Variants in NCALD observed in about 807,000 individuals in gnomAD.
The protein encoded by NCALD is neurocalcin delta, also known as neurocalcin-delta.
A neutral mutation model predicts 18.6 loss-of-function variants in NCALD; 10 were observed. That is an observed-to-expected ratio of 0.54 (90% CI 0.33 to 0.91). The LOEUF (loss-of-function observed/expected upper bound fraction) is 0.91. Among genes scored for constraint, NCALD ranks in the 40% least tolerant of loss-of-function variants. The pLI is 0.03. For missense variants in NCALD, 184 were observed against 247.6 expected (o/e 0.74, Z 1.72); for synonymous variants, 88 against 87.4 (o/e 1.01, Z -0.04).
At position 101,828,626 on chromosome 8, in the gene NCALD, G is replaced by A. The variant is rs114407809; in HGVS notation, c.-20+58515C>T. 5.5e-3 allele frequency among the ~76,000 whole-genome samples: 827 copies of A among 149,862 alleles called. 10 individuals carry two copies. Among genetic ancestry groups the A allele is most frequent in the African/African-American group, 0.019 (779 of 40,548 alleles). On this transcript the variant is annotated intron_variant, in intron 4 of 6. Transcript: ENST00000311028. ...ATAACTCATTTTTTTTTAAGAGACA[G>A]AGTCTCACTCTGTCACTAAGGCTAA...
At chr8:101,695,763 A>T (rs1170255591) in intron 2 of NCALD, among the ~76,000 whole-genome samples, 1 of 152,070 alleles carries the variant, frequency 6.6e-6, no homozygotes, top group African/African-American at 2.4e-5. Context: ...TTCTCCTTTT[A>T]GATGTGAGGG....
At chr8:102,042,246 C>A (rs926303972) in intron 1 of NCALD, among the ~76,000 whole-genome samples, 1 of 151,880 alleles carries the variant, frequency 6.6e-6, no homozygotes, top group Non-Finnish European at 1.5e-5. Flanking sequence ...TCAGCCACAA[C>A]AAGAATATCA....
intron 2 of NCALD, among the ~76,000 whole-genome samples, chr8:101,715,206 C>T (rs140282986): frequency 0.024 from 3,613 of 152,186 alleles, 142 homozygotes; most frequent in African/African-American, 0.083. Flanking sequence ...TTTGACAAAC[C>T]TCACAAAAAC....
chr8:101,961,918 G>T (rs916148249), intron 2 of NCALD, among the ~76,000 whole-genome samples: 2 of 152,064 alleles, frequency 1.3e-5, no homozygotes, highest in African/African-American at 4.8e-5. Flanking sequence ...AGAATCCAGA[G>T]AAACCTCAGA....
chr8:101,821,740 A>G (rs1191232208), intron 4 of NCALD, among the ~76,000 whole-genome samples: 2 of 152,162 alleles, frequency 1.3e-5, no homozygotes, highest in Non-Finnish European at 2.9e-5. Context: ...AGTCCTCTGC[A>G]AATTCAAGAT....
chr8:101,913,220 A>C (rs1817862385), intron 3 of NCALD, among the ~76,000 whole-genome samples: 1 of 152,236 alleles, frequency 6.6e-6, no homozygotes, highest in Non-Finnish European at 1.5e-5. Context: ...TATTTGTGGC[A>C]ATTTGTTATG....
chr8:101,971,854 C>T (rs892446241), intron 2 of NCALD, among the ~76,000 whole-genome samples: 8 of 152,150 alleles, frequency 5.3e-5, no homozygotes, highest in Admixed American at 4.6e-4. Flanking sequence ...CCCACCTAAC[C>T]CCAGTTATCC....
rs367666602 is a variant in NCALD at position 101,995,147 on chromosome 8, GA to G, written c.-157+25089del. On this transcript the variant is annotated intron_variant, in intron 2 of 6. Coordinates refer to the NCALD transcript ENST00000311028. ...ATAGCCCAGACTGGGGACTTCTTGA[GA>G]ACAGGAACTCTGTCATTATCCTTCT... is the stretch of plus-strand genomic sequence containing the variant. Among the ~76,000 whole-genome samples the G allele has an allele frequency of 7.5e-3, 1,144 of 152,268 alleles. 12 individuals are homozygous for G. Among genetic ancestry groups the G allele is most frequent in the African/African-American group, 0.023 (945 of 41,542 alleles).
intron 4 of NCALD, among the ~76,000 whole-genome samples, chr8:101,833,948 C>T (rs957917562): frequency 6.6e-6 from 1 of 152,194 alleles, no homozygotes; most frequent in Non-Finnish European, 1.5e-5. Context: ...GGGTGAGAAC[C>T]TGGCTTCTGC....
At chr8:101,955,177 TCA>T (rs1489332920) in intron 2 of NCALD, among the ~76,000 whole-genome samples, 1 of 152,172 alleles carries the variant, frequency 6.6e-6, no homozygotes, top group Non-Finnish European at 1.5e-5. Context: ...GCCAAATGCC[TCA>T]CAGTCTTAAT....
intron 1 of NCALD, among the ~76,000 whole-genome samples, chr8:102,105,478 G>A (rs944885104): frequency 1.3e-5 from 2 of 152,146 alleles, no homozygotes; most frequent in African/African-American, 4.8e-5. Context: ...TCAGTGAGCT[G>A]GACTAATAGG....
intron 1 of NCALD, among the ~76,000 whole-genome samples, chr8:101,737,530 GATTGGA>G (rs1809981412): frequency 6.6e-6 from 1 of 152,192 alleles, no homozygotes; most frequent in African/African-American, 2.4e-5. Flanking sequence ...ACCCCAACCT[GATTGGA>G]GTCACCAAAC....
chr8:101,893,784 T>G (rs1408813219), intron 3 of NCALD, among the ~76,000 whole-genome samples: 1 of 139,308 alleles, frequency 7.2e-6, no homozygotes, highest in Non-Finnish European at 1.5e-5. Context: ...TACATAATGG[T>G]AAAGGGATCA....
At chr8:102,107,080 T>C (rs1825481129) in intron 1 of NCALD, among the ~76,000 whole-genome samples, 1 of 150,454 alleles carries the variant, frequency 6.6e-6, no homozygotes, top group Non-Finnish European at 1.5e-5. Context: ...ACTGCTGATG[T>C]ATGCTTTCCA....
At chr8:101,707,733 T>C (rs1447525126) in intron 2 of NCALD, among the ~76,000 whole-genome samples, 2 of 152,134 alleles carry the variant, frequency 1.3e-5, no homozygotes, top group African/African-American at 4.8e-5. Context: ...CTGGGCATGG[T>C]AGCAGGTGCC....
intron 1 of NCALD, among the ~76,000 whole-genome samples, chr8:102,105,709 G>C (rs1014113382): frequency 4.6e-5 from 7 of 152,068 alleles, no homozygotes; most frequent in Non-Finnish European, 1.0e-4. Context: ...ACCCCATGAG[G>C]CCCAGCTGTA....
intron 4 of NCALD, among the ~76,000 whole-genome samples, chr8:101,851,435 G>A (rs1815087563): frequency 6.6e-6 from 1 of 151,670 alleles, no homozygotes; most frequent in East Asian, 1.9e-4. Context: ...GTCACCCACA[G>A]CTCTCTTGCC....
intron 1 of NCALD, among the ~76,000 whole-genome samples, chr8:102,033,227 T>C (rs1312267102): frequency 6.6e-6 from 1 of 152,178 alleles, no homozygotes; most frequent in Non-Finnish European, 1.5e-5. Flanking sequence ...TCCTGCCATA[T>C]ACTCCATCAT....
chr8:101,891,802 G>A (rs563761294), intron 3 of NCALD, among the ~76,000 whole-genome samples: 4 of 152,196 alleles, frequency 2.6e-5, no homozygotes, highest in Non-Finnish European at 5.9e-5. Context: ...GCACTTTTCA[G>A]ACCAGCTTAA....
Sources: allele counts gnomAD v4.1 joint callset (sites outside exome capture counted in the v4.1 genomes callset), GRCh38; gene constraint gnomAD v4.1.1; transcripts MANE v1.5; gene names NCBI Gene and HGNC (gene_info 2026-07-23, HGNC 2026-07-21).